The following HTT variants were observed in gnomAD, a reference collection of about 807,000 sequenced individuals.
HTT encodes the protein huntingtin, also known as huntington disease protein.
In HTT, 104 loss-of-function variants were observed where a neutral mutation model predicts 362.3. That is an observed-to-expected ratio of 0.29 (90% confidence interval 0.24 to 0.34). The LOEUF is 0.34. Among genes scored for constraint, HTT ranks in the 10% least tolerant of loss-of-function variants. The pLI, the probability that HTT is intolerant of heterozygous loss-of-function variation, is 1.00. For missense variants in HTT, 3,301 were observed against 3,928.6 expected, an observed-to-expected ratio of 0.84 and a Z score of 4.27; for synonymous variants, 1,577 against 1,548.7, an observed-to-expected ratio of 1.02 and a Z score of -0.43.
intron 11 of HTT, 90 bp from the exon 12 acceptor site, chr4:3,127,174 G>A (rs1056820609): frequency 1.7e-5 from 15 of 906,504 alleles, no homozygotes; most frequent in Admixed American, 5.9e-5. Flanking sequence ...ATTTGATAAC[G>A]GTGGAACTGT....
At chr4:3,131,843 A>T (rs1219656916) in intron 16 of HTT, 68 bp downstream of exon 16, 11 of 1,484,544 alleles carry the variant, frequency 7.4e-6, no homozygotes, top group Non-Finnish European at 9.2e-6. Context: ...TTCAGTATTG[A>T]CTATTTTAGT....
At chr4:3,111,355 G>A (rs374948132) in intron 6 of HTT, among the ~76,000 whole-genome samples, 12 of 152,120 alleles carry the variant, frequency 7.9e-5, no homozygotes, top group East Asian at 7.7e-4. Flanking sequence ...CACCATGCCC[G>A]GCTAATTTTT....
rs774131480 is a variant in HTT at position 3,208,732 on chromosome 4, AAAC to A, written c.6153-38_6153-36del. On this transcript the variant is annotated intron_variant, in intron 45 of 66. Coordinates refer to ENST00000355072, the MANE Select transcript of HTT (RefSeq NM_001388492.1). Reference sequence around the variant, plus strand: ...TTAGACTAAGACTAAAAAAAAAAAAAAACAAATTATACTGTAATTTCATTTTTA... The same window carrying A: ...TTAGACTAAGACTAAAAAAAAAAAAAAAATTATACTGTAATTTCATTTTTA... 1.3e-5 allele frequency: 20 copies of A among 1,546,626 alleles called. No individual in the cohort carries two copies. The African/African-American group carries it at 1.4e-4, about 11-fold the overall frequency.
chr4:3,121,236 A>G lies in HTT; in HGVS notation c.1077A>G (p.Glu359=), dbSNP rs1164147454. The G allele has an allele frequency of 6.2e-7, 1 of 1,613,236 alleles. No homozygotes were observed. Among genetic ancestry groups the G allele is most frequent in the East Asian group, 2.2e-5 (1 of 44,880 alleles). The change falls in exon 9 of 67, where the codon GAA becomes GAG. Residue 359 remains glutamate, a synonymous_variant. Coordinates refer to ENST00000355072, the MANE Select transcript of HTT (RefSeq NM_001388492.1). ...TGTTTCTCTGTTTCTAGGTTTATGA[A>G]CTGACGTTACATCATACACAGCACC... The part of the protein sequence containing the change: ...PSAEQLVQVY[E]LTLHHTQHQD...
chr4:3,179,635 T>G (rs1291329697), intron 35 of HTT, among the ~76,000 whole-genome samples: 1 of 150,436 alleles, frequency 6.6e-6, no homozygotes, highest in Non-Finnish European at 1.5e-5. Context: ...GGTCAGAGTG[T>G]GCCTGTGTGT....
intron 36 of HTT, among the ~76,000 whole-genome samples, chr4:3,182,137 A>G (rs1298756886): frequency 6.6e-6 from 1 of 152,214 alleles, no homozygotes; most frequent in Non-Finnish European, 1.5e-5. Flanking sequence ...TGCACCTTGT[A>G]TGTGCCCTAG....
chr4:3,174,062 A>G (rs1718120014), intron 31 of HTT, among the ~76,000 whole-genome samples: 1 of 152,198 alleles, frequency 6.6e-6, no homozygotes, highest in African/African-American at 2.4e-5. Context: ...TTGAGTTGCT[A>G]ATCTGTATAG....
Position 3,175,119 on chromosome 4 carries a change from T to C in HTT, c.4407+12T>C. On this transcript the variant is annotated intron_variant, in intron 33 of 66. Coordinates refer to ENST00000355072, the MANE Select transcript of HTT (RefSeq NM_001388492.1). Reference sequence around the variant, plus strand: ...TGGATTCAGATCAGGTTTGTCACTTTTATCTTTCATCCATCATACCTGTTC... The same window carrying C: ...TGGATTCAGATCAGGTTTGTCACTTCTATCTTTCATCCATCATACCTGTTC... 6.2e-7 allele frequency: 1 copy of C among 1,606,272 alleles called. No individual in the cohort carries two copies. Among genetic ancestry groups the C allele is most frequent in the Non-Finnish European group, 8.5e-7 (1 of 1,176,390 alleles).
intron 16 of HTT, 42 bp from the exon 17 acceptor site, chr4:3,132,520 T>G (rs752351885): frequency 6.5e-7 from 1 of 1,540,694 alleles, no homozygotes; most frequent in Non-Finnish European, 8.9e-7. Context: ...AGAAAGTTGA[T>G]AGTAGGGAAT....
At chr4:3,231,758 G>T (rs1721267083) in intron 60 of HTT, among the ~76,000 whole-genome samples, 1 of 152,202 alleles carries the variant, frequency 6.6e-6, no homozygotes, top group Admixed American at 6.5e-5. Flanking sequence ...CTCTTGGAAG[G>T]GGTCCTTCTC....
intron 14 of HTT, 96 bp downstream of exon 14, chr4:3,130,519 C>A: frequency 1.5e-6 from 1 of 656,360 alleles, no homozygotes; most frequent in Non-Finnish European, 2.7e-6. Context: ...CTTTCCCATC[C>A]CTGGGCCTTT....
At chr4:3,109,382 C>T (rs1054769126) in intron 6 of HTT, among the ~76,000 whole-genome samples, 35 of 151,986 alleles carry the variant, frequency 2.3e-4, no homozygotes, top group Non-Finnish European at 3.4e-4. Flanking sequence ...TGCATCACCA[C>T]GCTCGGCTAA....
intron 21 of HTT, among the ~76,000 whole-genome samples, chr4:3,138,277 T>TTTTTGGTTACATGGCTGAA (rs1716179980): frequency 6.6e-6 from 1 of 152,102 alleles, no homozygotes; most frequent in East Asian, 1.9e-4. Context: ...GTACAAGTGG[T>TTTTTGGTTACATGGCTGAA]TTTTGGTTAC....
chr4:3,159,621 G>A (rs982970427), intron 28 of HTT, among the ~76,000 whole-genome samples: 4 of 152,228 alleles, frequency 2.6e-5, no homozygotes, highest in Admixed American at 2.6e-4. Context: ...TTCGCCCAGA[G>A]AAAGCTTCTC....
chr4:3,213,978 C>A lies in HTT; in HGVS notation c.6795C>A (p.Ile2265=). The A allele has an allele frequency of 6.3e-7, 1 of 1,584,100 alleles. No individual in the cohort carries two copies. The highest frequency in any genetic ancestry group is 8.6e-7 in the Non-Finnish European group (1 of 1,161,782). ...ATLEALSWHL[I]HEQIPLSLDL... ...TTTAGGCCCTGTCCTGGCATTTGATCCATGAGCAGATCCCGCTGAGTCTGG... is the reference window on the plus strand; with the variant it reads ...TTTAGGCCCTGTCCTGGCATTTGATACATGAGCAGATCCCGCTGAGTCTGG... Residue 2265 remains isoleucine (I), a synonymous_variant, in exon 50 of 67, where the codon ATC becomes ATA. Transcript: ENST00000355072.
intron 37 of HTT, 96 bp downstream of exon 37, chr4:3,182,566 C>G: frequency 1.3e-6 from 1 of 749,572 alleles, no homozygotes; most frequent in Non-Finnish European, 2.4e-6. Flanking sequence ...TCCTTCAGTC[C>G]TAATCTGTGC....
intron 1 of HTT, among the ~76,000 whole-genome samples, chr4:3,078,444 T>C (rs927123180): frequency 6.6e-6 from 1 of 152,240 alleles, no homozygotes; most frequent in African/African-American, 2.4e-5. Flanking sequence ...TCAGGGTTAA[T>C]CGAGTGTTAA....
In HTT at chr4:3,178,279, T is replaced by C. The variant is rs750197974; in HGVS notation, c.4464-19T>C. ...CTTAATTTTAAAAGAAAGGTCTAAATGGATGTTTTTGTTTTTAGGGAATCA... is the reference window on the plus strand; with the variant it reads ...CTTAATTTTAAAAGAAAGGTCTAAACGGATGTTTTTGTTTTTAGGGAATCA... On this transcript the variant is annotated intron_variant, in intron 34 of 66. Coordinates refer to ENST00000355072, the MANE Select transcript of HTT (RefSeq NM_001388492.1). 14 of 1,566,628 alleles carry C rather than the reference T, an allele frequency of 8.9e-6. No individual in the cohort carries two copies. The highest frequency in any genetic ancestry group is 2.7e-5 in the African/African-American group (2 of 73,600).
chr4:3,229,525 C>T (rs1164681594), intron 59 of HTT, among the ~76,000 whole-genome samples: 7 of 149,680 alleles, frequency 4.7e-5, no homozygotes, highest in African/African-American at 9.9e-5. Context: ...CACACATGTA[C>T]GCACCACACA....
Sources: allele counts gnomAD v4.1 joint callset (sites outside exome capture counted in the v4.1 genomes callset), GRCh38; gene constraint gnomAD v4.1.1; transcripts MANE v1.5; gene names NCBI Gene and HGNC (gene_info 2026-07-23, HGNC 2026-07-21).